The following VAC14 variants were observed in gnomAD, a reference collection of about 807,000 sequenced individuals.
The protein encoded by VAC14 is VAC14 component of PIKFYVE complex.
VAC14 carries 47 observed loss-of-function variants against 85.3 expected under a neutral mutation model. The observed-to-expected ratio is 0.55, with a 90% CI of 0.44 to 0.70. VAC14 has a LOEUF of 0.70. VAC14 is among the 30% of genes least tolerant of loss of function. VAC14 has a pLI of 0.00. For missense variants in VAC14, 861 were observed against 1,004.3 expected (o/e 0.86, Z 1.93); for synonymous variants, 447 against 430.5 (o/e 1.04, Z -0.47).
intron 14 of VAC14, among the ~76,000 whole-genome samples, chr16:70,726,399 T>C (rs2054429912): frequency 6.6e-6 from 1 of 151,990 alleles, no homozygotes; most frequent in Admixed American, 6.6e-5. Context: ...CCCTCAGGGG[T>C]GTGGTTCCCC....
intron 14 of VAC14, among the ~76,000 whole-genome samples, chr16:70,710,730 C>T (rs2054015797): frequency 6.6e-6 from 1 of 152,264 alleles, no homozygotes; most frequent in African/African-American, 2.4e-5. Context: ...GGCCCACACT[C>T]GGCCCCTCTG....
intron 1 of VAC14, among the ~76,000 whole-genome samples, chr16:70,790,535 G>C (rs2034287725): frequency 6.6e-6 from 1 of 152,182 alleles, no homozygotes; most frequent in Middle Eastern, 3.2e-3. Context: ...CCAGTGGGTG[G>C]TATGGGTTTG....
intron 12 of VAC14, chr16:70,761,016 T>TGTGTGTGTGCGC (rs1413571677): frequency 6.6e-6 from 2 of 300,870 alleles, no homozygotes; most frequent in African/African-American, 4.2e-5. Flanking sequence ...TGTGTGTGTG[T>TGTGTGTGTGCGC]GTGCATGGGG....
intron 14 of VAC14, among the ~76,000 whole-genome samples, chr16:70,721,830 AC>A (rs1376846995): frequency 6.6e-6 from 1 of 152,096 alleles, no homozygotes; most frequent in African/African-American, 2.4e-5. Context: ...CCTGGATAGC[AC>A]GTGTCCTCTG....
At chr16:70,697,039 G>A (rs2053726545) in intron 16 of VAC14, 100 bp downstream of exon 16, 4 of 925,018 alleles carry the variant, frequency 4.3e-6, no homozygotes, top group Non-Finnish European at 6.9e-6. Flanking sequence ...GTGGGGACAG[G>A]AGCATGGCAC....
At chr16:70,707,417 G>C (rs1041340596) in intron 14 of VAC14, among the ~76,000 whole-genome samples, 2 of 152,206 alleles carry the variant, frequency 1.3e-5, no homozygotes, top group Non-Finnish European at 2.9e-5. Context: ...AAAGGGGATG[G>C]AGGGAGGAGG....
chr16:70,692,868 G>C lies in VAC14; in HGVS notation c.2139C>G (p.Leu713=), dbSNP rs2053626099. Residue 713 remains leucine (L), a synonymous_variant, in exon 18 of 19, where the codon CTC becomes CTG. Coordinates refer to ENST00000261776, the MANE Select transcript of VAC14 (RefSeq NM_018052.5). The part of the protein sequence containing the change: ...LLPQSSAFQL[L]SHRLQCVPNP... ...TGGGCACGCACTGGAGCCGGTGCGA[G>C]AGCAGCTGGAAGGCGCTGCTCTGCG... The C allele has an allele frequency of 6.2e-7, 1 of 1,606,054 alleles. No individual in the cohort carries two copies. Among genetic ancestry groups the C allele is most frequent in the African/African-American group, 1.3e-5 (1 of 75,046 alleles).
chr16:70,736,945 C>G (rs1163764939), intron 13 of VAC14, among the ~76,000 whole-genome samples: 2 of 152,108 alleles, frequency 1.3e-5, no homozygotes, highest in East Asian at 3.9e-4. Flanking sequence ...CAGTGCTCAG[C>G]AGGACAGGGT....
At chr16:70,712,649 A>G (rs1483605410) in intron 14 of VAC14, among the ~76,000 whole-genome samples, 1 of 152,212 alleles carries the variant, frequency 6.6e-6, no homozygotes, top group Non-Finnish European at 1.5e-5. Context: ...CCTCATGCTG[A>G]TAAATGCACA....
intron 15 of VAC14, 110 bp from the exon 16 acceptor site, chr16:70,697,367 G>C: frequency 1.2e-6 from 1 of 812,736 alleles, no homozygotes; most frequent in Non-Finnish European, 2.0e-6. Flanking sequence ...GGGGCCTTCA[G>C]TCGGGGGCAG....
At chr16:70,707,409 AG>A (rs2053941738) in intron 14 of VAC14, among the ~76,000 whole-genome samples, 1 of 152,070 alleles carries the variant, frequency 6.6e-6, no homozygotes, top group African/African-American at 2.4e-5. Flanking sequence ...GCTGGTGGAA[AG>A]GGGATGGAGG....
intron 12 of VAC14, among the ~76,000 whole-genome samples, chr16:70,756,629 G>A (rs541038062): frequency 1.3e-5 from 2 of 152,290 alleles, no homozygotes; most frequent in East Asian, 3.9e-4. Flanking sequence ...TCAGGACTCA[G>A]CAGAGGCTGG....
intron 14 of VAC14, among the ~76,000 whole-genome samples, chr16:70,701,966 A>G (rs1324154638): frequency 6.6e-6 from 1 of 152,114 alleles, no homozygotes; most frequent in African/African-American, 2.4e-5. Flanking sequence ...CCTGGGCTCC[A>G]ACCTCAGGTC....
chr16:70,715,923 C>T (rs1567534257), intron 14 of VAC14: 1 of 152,258 alleles, frequency 6.6e-6, no homozygotes, highest in Non-Finnish European at 1.5e-5. Flanking sequence ...GCATTTTCAA[C>T]AAGGTCACAA....
chr16:70,736,710 G>A (rs554542507), intron 13 of VAC14, among the ~76,000 whole-genome samples: 2 of 152,308 alleles, frequency 1.3e-5, no homozygotes, highest in East Asian at 1.9e-4. Context: ...GCGAGAAGCC[G>A]CAGCAAGCGA....
chr16:70,764,093 A>G (rs2032621871), intron 10 of VAC14, among the ~76,000 whole-genome samples: 1 of 152,058 alleles, frequency 6.6e-6, no homozygotes, highest in African/African-American at 2.4e-5. Context: ...TCAATTATTC[A>G]TTTGCATCAG....
At chr16:70,787,524 C>T (rs1399580109) in intron 1 of VAC14, among the ~76,000 whole-genome samples, 1 of 152,108 alleles carries the variant, frequency 6.6e-6, no homozygotes, top group Non-Finnish European at 1.5e-5. Context: ...GGAGGCCTGG[C>T]TCCACAACAG....
chr16:70,699,529 A>G (rs145954005), intron 14 of VAC14: 1 of 152,318 alleles, frequency 6.6e-6, no homozygotes, highest in African/African-American at 2.4e-5. Context: ...TTCAGGGCTA[A>G]GGATCGGACT....
intron 13 of VAC14, among the ~76,000 whole-genome samples, chr16:70,737,430 C>T (rs950355903): frequency 6.6e-6 from 1 of 152,212 alleles, no homozygotes; most frequent in South Asian, 2.1e-4. Flanking sequence ...GGGAGACAGG[C>T]TCTCTTTGAG....
Sources: gnomAD v4.1 joint callset for allele counts (sites outside exome capture counted in the v4.1 genomes callset) on GRCh38, gnomAD v4.1.1 for gene constraint, MANE v1.5 for transcripts, NCBI Gene and HGNC (gene_info 2026-07-23, HGNC 2026-07-21) for gene names.